The following FNTB variants were observed in gnomAD, a reference collection of about 807,000 sequenced individuals.
FNTB encodes the protein farnesyltransferase, CAAX box, subunit beta.
A neutral mutation model predicts 59.4 loss-of-function variants in FNTB; 27 were observed. That is an observed-to-expected ratio of 0.45 (90% CI 0.34 to 0.63). FNTB has a LOEUF of 0.63. Ranked by LOEUF, FNTB falls within the 20% of genes least tolerant of loss-of-function variation. The probability of loss-of-function intolerance (pLI) is 0.02; values close to 1 mark genes in which losing one functional copy is unlikely to be tolerated. For missense variants in FNTB, 449 were observed against 559.6 expected (o/e 0.80, Z 1.99); for synonymous variants, 230 against 220.7 (o/e 1.04, Z -0.37).
chr14:65,033,854 C>A (rs1051310394), intron 7 of FNTB, among the ~76,000 whole-genome samples: 1 of 151,942 alleles, frequency 6.6e-6, no homozygotes, highest in Admixed American at 6.6e-5. Flanking sequence ...GAGACTCCAT[C>A]TCAAAAAAAG....
At chr14:65,035,059 T>G (rs956367294) in intron 7 of FNTB, among the ~76,000 whole-genome samples, 1 of 152,264 alleles carries the variant, frequency 6.6e-6, no homozygotes, top group Non-Finnish European at 1.5e-5. Context: ...AAACTTGAAC[T>G]GAGTTTAAAT....
intron 2 of FNTB, among the ~76,000 whole-genome samples, chr14:65,010,984 A>G (rs1288398677): frequency 6.6e-6 from 1 of 152,036 alleles, no homozygotes; most frequent in Non-Finnish European, 1.5e-5. Flanking sequence ...TTTTTCACAC[A>G]AACTTTCCTG....
Position 65,014,478 on chromosome 14 carries a change from C to A in FNTB, c.283-1147C>A, listed in dbSNP as rs2061735326. ...ATATGTCTGTCCAGTGCTCTCTTCC[C>A]CTACAGGTAACCACACACATTCTAT... On this transcript the variant is annotated intron_variant, in intron 3 of 11. Transcript: ENST00000246166. The surrounding 1 kb of genome is among the most constrained non-coding windows in gnomAD (Gnocchi z 5.1). Among the ~76,000 whole-genome samples the A allele has an allele frequency of 6.6e-6, 1 of 152,172 alleles. No homozygotes were observed.
chr14:65,032,740 G>T lies in FNTB; in HGVS notation c.692+44G>T. On this transcript the variant is annotated intron_variant, in intron 7 of 11. Transcript: ENST00000246166. This position sits in a 1 kb window ranked among gnomAD's most constrained non-coding sequence, Gnocchi z 5.0. ...TCTCCTGGCCTCTTGGAGAGCAGGC[G>T]GTCACGACACTACTTCAGAAAAATA... 6.3e-7 allele frequency: 1 copy of T among 1,584,854 alleles called. No homozygotes were observed. Among genetic ancestry groups the T allele is most frequent in the Non-Finnish European group, 8.6e-7 (1 of 1,164,776 alleles).
rs200766625 is a variant in FNTB, at chr14:65,034,462, TTGGCAA to T, written c.692+1770_692+1775del. 5.8e-3 allele frequency among the ~76,000 whole-genome samples: 882 copies of T among 152,360 alleles called. 11 individuals are homozygous for T. Among genetic ancestry groups the T allele is most frequent in the African/African-American group, 0.019 (802 of 41,584 alleles). On this transcript the variant is annotated intron_variant, in intron 7 of 11. Transcript: ENST00000246166. ...AATTATTTGGTTAGAGATTTCTAAC[TTGGCAA>T]TGGTATAAACTGTAGTCTTTCTGAA... is the stretch of plus-strand genomic sequence containing the variant.
At chr14:64,987,357 A>C (rs1887990398) in intron 1 of FNTB, 1 of 547,110 alleles carries the variant, frequency 1.8e-6, no homozygotes, top group Non-Finnish European at 3.3e-6. Flanking sequence ...GCCCTAAAGA[A>C]CGAGAAGAAT....
intron 7 of FNTB, among the ~76,000 whole-genome samples, chr14:65,040,484 G>A (rs753038133): frequency 6.6e-6 from 1 of 151,580 alleles, no homozygotes; most frequent in African/African-American, 2.4e-5. Context: ...TCTTTCACCC[G>A]GGCTGGAGCA....
intron 1 of FNTB, among the ~76,000 whole-genome samples, chr14:64,993,028 G>A (rs763487305): frequency 2.0e-4 from 30 of 152,192 alleles, no homozygotes; most frequent in South Asian, 4.1e-4. Context: ...GTAGAGACAG[G>A]GTTTCCCTGT....
At chr14:65,019,133 A>G (rs540999465) in intron 4 of FNTB, among the ~76,000 whole-genome samples, 1 of 152,238 alleles carries the variant, frequency 6.6e-6, no homozygotes, top group African/African-American at 2.4e-5. Context: ...AGATTGCACC[A>G]CTGCACTCCA....
At position 64,991,511 on chromosome 14, in the gene FNTB, G is replaced by C. The variant is rs1888198067; in HGVS notation, c.144+4414G>C. Among the ~76,000 whole-genome samples, 5 of 152,246 alleles carry C rather than the reference G, an allele frequency of 3.3e-5. 1 individual carries two copies. In the South Asian group the frequency reaches 1.0e-3, roughly 32 times the overall value. On this transcript the variant is annotated intron_variant, in intron 1 of 11. Transcript: ENST00000246166. The surrounding 1 kb of genome is among the most constrained non-coding windows in gnomAD (Gnocchi z 4.4). ...ACCAGCTACTCAGGACACTGAGGCA[G>C]GTGAATCTCTTTAACCTGGGAGGCG...
intron 8 of FNTB, among the ~76,000 whole-genome samples, chr14:65,042,285 A>G (rs1003028943): frequency 6.6e-6 from 1 of 152,212 alleles, no homozygotes; most frequent in African/African-American, 2.4e-5. Context: ...ATATAATGAA[A>G]TAATTATACA....
In FNTB at chr14:65,061,905, C is replaced by T. The variant is rs936401024; in HGVS notation, c.*593C>T. ...CCTTCAGTTGGGAGTCCTTCCACTT[C>T]AACACTGGAGAACTGAGCCTTGCAT... On this transcript the variant is annotated 3_prime_UTR_variant, in exon 12 of 12. Coordinates refer to ENST00000246166, the MANE Select transcript of FNTB (RefSeq NM_002028.4). 6.5e-6 allele frequency: 1 copy of T among 154,650 alleles called. No individual in the cohort carries two copies. The highest frequency in any genetic ancestry group is 1.4e-5 in the Non-Finnish European group (1 of 69,472). The allele number at this position is 154,650 out of a possible 1,614,324, so 9.6% of individuals were successfully genotyped here.
At chr14:64,992,803 T>C (rs981588680) in intron 1 of FNTB, among the ~76,000 whole-genome samples, 1 of 152,064 alleles carries the variant, frequency 6.6e-6, no homozygotes, top group African/African-American at 2.4e-5. Context: ...ATATTTGTGG[T>C]CACTGCAACT....
In FNTB at chr14:64,988,585, C is replaced by T. The variant is rs151195572; in HGVS notation, c.144+1488C>T. Among the ~76,000 whole-genome samples the T allele has an allele frequency of 5.6e-3, 858 of 152,082 alleles. 36 individuals are homozygous for T. Among genetic ancestry groups the T allele is most frequent in the Admixed American group, 0.05 (766 of 15,264 alleles). ...GAGTAGCTGAGACTACAGGCGCCCA[C>T]CACCACGCCTGGCTAATTTTTGTAT... On this transcript the variant is annotated intron_variant, in intron 1 of 11. Coordinates refer to ENST00000246166, the MANE Select transcript of FNTB (RefSeq NM_002028.4).
rs1455304695 is a variant in FNTB, at chr14:65,028,524, G to A, written c.605+743G>A. ...CTGTCTTACTGCCTATGTGTAAATG[G>A]GTTTGCTTCTACACAAGTTGATTAA... On this transcript the variant is annotated intron_variant, in intron 6 of 11. Transcript: ENST00000246166. The surrounding 1 kb of genome is among the most constrained non-coding windows in gnomAD (Gnocchi z 4.4). Among the ~76,000 whole-genome samples the A allele has an allele frequency of 2.0e-5, 3 of 152,102 alleles. No homozygotes were observed. The highest frequency in any genetic ancestry group is 7.2e-5 in the African/African-American group (3 of 41,418).
At chr14:65,004,482 G>GT (rs2061551619) in intron 2 of FNTB, among the ~76,000 whole-genome samples, 169 bp downstream of exon 2, 1 of 152,068 alleles carries the variant, frequency 6.6e-6, no homozygotes, top group East Asian at 1.9e-4. Context: ...CCTCCCTCTG[G>GT]TAGAATACTG....
rs1352829978 is a variant in FNTB, at chr14:65,027,730, A to G, written c.554A>G (p.Lys185Arg). 1 of 1,614,194 alleles carries G rather than the reference A, an allele frequency of 6.2e-7. No homozygotes were observed. The highest frequency in any genetic ancestry group is 8.5e-7 in the Non-Finnish European group (1 of 1,180,044). Residue 185 changes from lysine (K) to arginine (R), a missense_variant, in exon 6 of 12, where the codon AAG (lysine) becomes AGG (arginine). By Grantham distance (26) the Lys-to-Arg change is conservative. Transcript: ENST00000246166. The surrounding 1 kb of genome is among the most constrained non-coding windows in gnomAD (Gnocchi z 5.7). ...CTTCTTCAGTATTTGTACTCCCTGA[A>G]GCAACCTGACGGCTCCTTTCTCATG... ...EKLLQYLYSL[K>R]QPDGSFLMHV...
In FNTB at chr14:65,030,847, GC is replaced by G. The variant is rs1294914298; in HGVS notation, c.606-1760del. On this transcript the variant is annotated intron_variant, in intron 6 of 11. Transcript: ENST00000246166. The surrounding 1 kb of genome is among the most constrained non-coding windows in gnomAD (Gnocchi z 4.5). ...TTTTGAGATGGAGTTTCTTTCTGTT[GC>G]CCAGGCAGGAGCGCAGTGGTGGGAT... 6.6e-6 allele frequency among the ~76,000 whole-genome samples: 1 copy of G among 152,036 alleles called. No homozygotes were observed. The highest frequency in any genetic ancestry group is 1.5e-5 in the Non-Finnish European group (1 of 68,010).
At chr14:65,060,439 A>ATTACCCAGGCGTGGTGGCTCACACCTG (rs1436999115) in intron 11 of FNTB, among the ~76,000 whole-genome samples, 3,252 of 134,558 alleles carry the variant, frequency 0.024, 839 homozygotes, top group African/African-American at 0.08. Flanking sequence ...AAATACAAAA[A>ATTACCCAGGCGTGGTGGCTCACACCTG]TAATCCCAGC....
Sources: gnomAD v4.1 joint callset for allele counts (sites outside exome capture counted in the v4.1 genomes callset) on GRCh38, gnomAD v4.1.1 for gene constraint, Gnocchi (gnomAD v3.1) non-coding constraint, MANE v1.5 for transcripts, NCBI Gene and HGNC (gene_info 2026-07-23, HGNC 2026-07-21) for gene names.